The following ERP44 variants were observed in gnomAD, a reference collection of about 807,000 sequenced individuals.
The protein encoded by ERP44 is endoplasmic reticulum protein 44, also known as endoplasmic reticulum resident protein 44.
In ERP44, 25 loss-of-function variants were observed where a neutral mutation model predicts 53.4. That is an observed-to-expected ratio of 0.47 (90% CI 0.34 to 0.65). ERP44 has a LOEUF of 0.65. ERP44 is among the 30% of genes least tolerant of loss of function. ERP44 has a pLI of 0.01. For missense variants in ERP44, 338 were observed against 493.2 expected (o/e 0.69, Z 2.98); for synonymous variants, 145 against 161.2 (o/e 0.90, Z 0.76).
chr9:100,084,956 A>G (rs999744742), intron 1 of ERP44, among the ~76,000 whole-genome samples: 1 of 152,222 alleles, frequency 6.6e-6, no homozygotes, highest in Non-Finnish European at 1.5e-5. Context: ...CCTTACCACA[A>G]TTAACTAATT....
At chr9:100,043,730 G>A (rs2118693169) in intron 4 of ERP44, among the ~76,000 whole-genome samples, 1 of 152,038 alleles carries the variant, frequency 6.6e-6, no homozygotes, top group Non-Finnish European at 1.5e-5. Context: ...ACTCCAGCCT[G>A]GGAGACAGAG....
At chr9:100,077,989 A>G (rs4743384) in intron 1 of ERP44, among the ~76,000 whole-genome samples, 103,023 of 152,116 alleles carry the variant, frequency 0.68, 36,120 homozygotes, top group East Asian at 0.9. Context: ...AAAAAACCAC[A>G]ACCTGCTGAG....
At chr9:100,004,570 T>C (rs952530607) in intron 10 of ERP44, among the ~76,000 whole-genome samples, 7 of 152,216 alleles carry the variant, frequency 4.6e-5, no homozygotes, top group African/African-American at 9.6e-5. Flanking sequence ...AGCCAAGTGT[T>C]TGGGTCTGAG....
chr9:100,087,096 C>T (rs918243901), intron 1 of ERP44, among the ~76,000 whole-genome samples: 15 of 149,202 alleles, frequency 1.0e-4, no homozygotes, highest in Non-Finnish European at 1.8e-4. Flanking sequence ...AGCTAAGTGA[C>T]GTGTCCAAAT....
chr9:100,006,507 A>C lies in ERP44; in HGVS notation c.1015T>G (p.Leu339Val). 1 of 1,600,128 alleles carries C rather than the reference A, an allele frequency of 6.2e-7. No homozygotes were observed. The highest frequency in any genetic ancestry group is 8.5e-7 in the Non-Finnish European group (1 of 1,174,206). Residue 339 changes from leucine to valine, a missense_variant and splice_region_variant, in exon 10 of 12, where the codon TTA (leucine) becomes GTA (valine). Around this residue, in one of 3 missense-constraint regions of ERP44, gnomAD observed 113 missense variants for 172.6 expected, o/e 0.65. Transcript: ENST00000262455. ...MYVFGDFKDV[L>V]IPGKLKQFVF... ...TTAAAAAACAAAATGAATACTCACA[A>C]TACATCTTTGAAGTCTCCAAACACA...
intron 6 of ERP44, among the ~76,000 whole-genome samples, chr9:100,019,786 A>G (rs1433907610): frequency 2.0e-5 from 3 of 152,178 alleles, no homozygotes; most frequent in African/African-American, 7.2e-5. Context: ...CCTTCAGAGG[A>G]ATTGAAAAGG....
chr9:100,003,393 T>C (rs1166113419), intron 10 of ERP44, among the ~76,000 whole-genome samples: 1 of 152,258 alleles, frequency 6.6e-6, no homozygotes, highest in East Asian at 1.9e-4. Flanking sequence ...CTTACATTGA[T>C]GTCTGGGCAT....
intron 8 of ERP44, among the ~76,000 whole-genome samples, chr9:100,013,693 C>T (rs1016658753): frequency 1.3e-5 from 2 of 152,174 alleles, no homozygotes; most frequent in Non-Finnish European, 2.9e-5. Context: ...TGATATACTA[C>T]TGGTAGGAAT....
chr9:100,062,953 A>G (rs1419145330), intron 1 of ERP44, among the ~76,000 whole-genome samples: 1 of 151,636 alleles, frequency 6.6e-6, no homozygotes, highest in Non-Finnish European at 1.5e-5. Flanking sequence ...ACATGCCTGT[A>G]GTCCTAGCTA....
At chr9:100,006,475 G>C in intron 10 of ERP44, 31 bp downstream of exon 10, 4 of 1,511,624 alleles carry the variant, frequency 2.6e-6, no homozygotes, top group Non-Finnish European at 3.6e-6. Context: ...AAACATATCA[G>C]TAATTTTTAA....
At chr9:100,034,384 G>A (rs1012992874) in intron 4 of ERP44, among the ~76,000 whole-genome samples, 7 of 152,232 alleles carry the variant, frequency 4.6e-5, no homozygotes, top group African/African-American at 1.7e-4. Flanking sequence ...AAAAAAGGCA[G>A]GAAGTTCCAG....
intron 1 of ERP44, among the ~76,000 whole-genome samples, chr9:100,075,647 T>C (rs1358142844): frequency 1.3e-5 from 2 of 152,222 alleles, no homozygotes; most frequent in Non-Finnish European, 2.9e-5. Flanking sequence ...TCTAACTCAG[T>C]AAAATTTCTA....
chr9:100,049,239 T>C (rs1450821470), intron 4 of ERP44, among the ~76,000 whole-genome samples: 1 of 151,996 alleles, frequency 6.6e-6, no homozygotes, highest in Non-Finnish European at 1.5e-5. Flanking sequence ...AGGAGACCTG[T>C]CTCTAAAAAT....
chr9:99,994,027 A>C (rs538117384), intron 10 of ERP44, among the ~76,000 whole-genome samples: 1 of 152,234 alleles, frequency 6.6e-6, no homozygotes, highest in Non-Finnish European at 1.5e-5. Flanking sequence ...GATGTGGAGA[A>C]ATAGGAACGC....
intron 3 of ERP44, among the ~76,000 whole-genome samples, chr9:100,052,967 G>A (rs1826053733): frequency 6.6e-6 from 1 of 151,568 alleles, no homozygotes; most frequent in South Asian, 2.1e-4. Context: ...GCCCAAGTTG[G>A]AGGGCAGGGG....
intron 1 of ERP44, among the ~76,000 whole-genome samples, chr9:100,081,893 A>C (rs1021822241): frequency 2.6e-5 from 4 of 152,190 alleles, no homozygotes; most frequent in Non-Finnish European, 5.9e-5. Context: ...TGCAAATCAC[A>C]TAACTGCATA....
intron 4 of ERP44, among the ~76,000 whole-genome samples, chr9:100,027,520 A>G (rs749809764): frequency 1.3e-5 from 2 of 152,236 alleles, no homozygotes; most frequent in Non-Finnish European, 2.9e-5. Flanking sequence ...ATAACAAAAA[A>G]TGACTTAAGG....
intron 1 of ERP44, among the ~76,000 whole-genome samples, chr9:100,068,041 C>A (rs1396882792): frequency 1.4e-5 from 2 of 145,572 alleles, no homozygotes; most frequent in Admixed American, 6.8e-5. Context: ...GGGGGTCAGT[C>A]CCCCGCCCGG....
At chr9:100,071,358 A>T (rs1826302300) in intron 1 of ERP44, among the ~76,000 whole-genome samples, 1 of 152,186 alleles carries the variant, frequency 6.6e-6, no homozygotes, top group Non-Finnish European at 1.5e-5. Flanking sequence ...TGTGTCAAAG[A>T]ATGCCTTTAT....
Sources: allele counts gnomAD v4.1 joint callset (sites outside exome capture counted in the v4.1 genomes callset), GRCh38; gene constraint gnomAD v4.1.1; regional missense constraint gnomAD v4.1.1; transcripts MANE v1.5; gene names NCBI Gene and HGNC (gene_info 2026-07-23, HGNC 2026-07-21).